PTPRT: variants seen among roughly 807,000 people sequenced by gnomAD.
PTPRT encodes the protein protein tyrosine phosphatase receptor type T, also known as receptor-type tyrosine-protein phosphatase T.
Under a neutral mutation model 176.8 loss-of-function variants are expected in PTPRT, and 56 were observed. That is an observed-to-expected ratio of 0.32 (90% CI 0.26 to 0.40). The LOEUF is 0.40. Ranked by LOEUF, PTPRT falls within the 10% of genes least tolerant of loss-of-function variation. The pLI, the probability that PTPRT is intolerant of heterozygous loss-of-function variation, is 1.00. For missense variants in PTPRT, 1,540 were observed against 1,908.2 expected, an observed-to-expected ratio of 0.81 and a Z score of 3.60; for synonymous variants, 783 against 739.0, an observed-to-expected ratio of 1.06 and a Z score of -0.96.
chr20:42,128,173 T>C (rs1987951090), intron 19 of PTPRT, among the ~76,000 whole-genome samples: 1 of 152,218 alleles, frequency 6.6e-6, no homozygotes, highest in African/African-American at 2.4e-5. Context: ...CTCCCCTCTC[T>C]TTGATTTTAA....
chr20:42,534,404 C>T (rs8123096), intron 7 of PTPRT, among the ~76,000 whole-genome samples: 1 of 152,172 alleles, frequency 6.6e-6, no homozygotes, highest in South Asian at 2.1e-4. Flanking sequence ...GAGGCCGAGG[C>T]GGGTGGATCA....
intron 9 of PTPRT, among the ~76,000 whole-genome samples, chr20:42,423,511 A>C (rs2059139106): frequency 6.6e-6 from 1 of 152,172 alleles, no homozygotes; most frequent in African/African-American, 2.4e-5. Context: ...GCCTTCTTCC[A>C]GCTGAAGCCT....
At chr20:42,679,104 A>G (rs2075558263) in intron 6 of PTPRT, among the ~76,000 whole-genome samples, 1 of 152,186 alleles carries the variant, frequency 6.6e-6, no homozygotes, top group Non-Finnish European at 1.5e-5. Context: ...CCTCTCTTCC[A>G]CTGAGTTCCA....
At chr20:42,429,147 G>C (rs2059193249) in intron 9 of PTPRT, among the ~76,000 whole-genome samples, 2 of 152,076 alleles carry the variant, frequency 1.3e-5, no homozygotes, top group African/African-American at 4.8e-5. Flanking sequence ...TTCTTCTAAG[G>C]CTCAGTATTA....
intron 16 of PTPRT, among the ~76,000 whole-genome samples, 187 bp downstream of exon 16, chr20:42,199,053 T>C (rs1991343806): frequency 6.6e-6 from 1 of 152,180 alleles, no homozygotes; most frequent in African/African-American, 2.4e-5. Flanking sequence ...TTTTTAAATA[T>C]TCCTTTTCAT....
intron 2 of PTPRT, among the ~76,000 whole-genome samples, chr20:42,852,386 T>C (rs899913694): frequency 6.6e-6 from 1 of 152,190 alleles, no homozygotes; most frequent in African/African-American, 2.4e-5. Context: ...TATTCTGTCC[T>C]GTTATGATTG....
intron 7 of PTPRT, among the ~76,000 whole-genome samples, chr20:42,603,420 A>G (rs143879081): frequency 3.9e-5 from 6 of 152,306 alleles, no homozygotes; most frequent in Non-Finnish European, 8.8e-5. Flanking sequence ...CAAAACGCAA[A>G]CAGGCAAAAA....
chr20:43,169,511 T>G (rs1053733973), intron 1 of PTPRT, among the ~76,000 whole-genome samples: 1 of 152,238 alleles, frequency 6.6e-6, no homozygotes, highest in African/African-American at 2.4e-5. Flanking sequence ...CTGGGGGTTA[T>G]AAATGTAGCA....
intron 9 of PTPRT, among the ~76,000 whole-genome samples, chr20:42,393,242 C>T (rs1200943401): frequency 6.6e-6 from 1 of 152,116 alleles, no homozygotes; most frequent in Non-Finnish European, 1.5e-5. Context: ...TGCCAAGGTG[C>T]CATATTTGGG....
At chr20:42,721,458 T>C (rs1002424608) in intron 6 of PTPRT, among the ~76,000 whole-genome samples, 4 of 152,062 alleles carry the variant, frequency 2.6e-5, no homozygotes, top group African/African-American at 4.8e-5. Flanking sequence ...ATATGTGTAA[T>C]GCTGTTGTAA....
intron 7 of PTPRT, among the ~76,000 whole-genome samples, chr20:42,634,013 T>TATA (rs1555890256): frequency 3.4e-5 from 1 of 29,036 alleles, no homozygotes; most frequent in African/African-American, 1.7e-4. Flanking sequence ...ATATATATAA[T>TATA]ATATATATAA....
chr20:43,163,563 A>G (rs2014767323), intron 1 of PTPRT, among the ~76,000 whole-genome samples: 1 of 151,902 alleles, frequency 6.6e-6, no homozygotes, highest in Non-Finnish European at 1.5e-5. Flanking sequence ...GCGTGAACCC[A>G]GGAGGCAGAG....
intron 9 of PTPRT, among the ~76,000 whole-genome samples, chr20:42,437,100 A>G (rs1196275150): frequency 6.6e-6 from 1 of 152,194 alleles, no homozygotes; most frequent in Non-Finnish European, 1.5e-5. Context: ...GTAGAAACAG[A>G]TGTGCTTATG....
At chr20:43,186,818 C>T (rs778354541) in intron 1 of PTPRT, among the ~76,000 whole-genome samples, 2 of 152,216 alleles carry the variant, frequency 1.3e-5, no homozygotes, top group Non-Finnish European at 2.9e-5. Context: ...AGGTATCCAA[C>T]GGTGATTATT....
intron 7 of PTPRT, among the ~76,000 whole-genome samples, chr20:42,565,486 C>T (rs967474336): frequency 5.9e-5 from 9 of 152,028 alleles, no homozygotes; most frequent in African/African-American, 2.2e-4. Flanking sequence ...GACTGAGCCT[C>T]TGGGCACAGA....
chr20:42,124,652 G>A (rs1002520229), intron 19 of PTPRT, among the ~76,000 whole-genome samples: 5 of 152,224 alleles, frequency 3.3e-5, no homozygotes, highest in Non-Finnish European at 5.9e-5. Context: ...TTGTGGCTGC[G>A]TTGGAGACCA....
At chr20:42,594,529 A>C (rs963581008) in intron 7 of PTPRT, among the ~76,000 whole-genome samples, 1 of 152,218 alleles carries the variant, frequency 6.6e-6, no homozygotes, top group African/African-American at 2.4e-5. Flanking sequence ...ACCTTTAAAA[A>C]AATTCTTAAC....
chr20:42,586,813 G>A (rs2073478763), intron 7 of PTPRT, among the ~76,000 whole-genome samples: 1 of 152,148 alleles, frequency 6.6e-6, no homozygotes, highest in Admixed American at 6.5e-5. Flanking sequence ...TATACCCCAT[G>A]TATATAACCC....
At chr20:42,434,725 G>A (rs1413256961) in intron 9 of PTPRT, among the ~76,000 whole-genome samples, 1 of 151,638 alleles carries the variant, frequency 6.6e-6, no homozygotes, top group Non-Finnish European at 1.5e-5. Flanking sequence ...ACTTTGGGAG[G>A]CTGAGGCATG....
Sources: gnomAD v4.1 joint callset for allele counts (sites outside exome capture counted in the v4.1 genomes callset) on GRCh38, gnomAD v4.1.1 for gene constraint, MANE v1.5 for transcripts, NCBI Gene and HGNC (gene_info 2026-07-23, HGNC 2026-07-21) for gene names.